SP140L: variants seen among roughly 807,000 people sequenced by gnomAD.
SP140L encodes nuclear body protein SP140-like protein.
A neutral mutation model predicts 84.3 loss-of-function variants in SP140L; 64 were observed. The ratio of observed to expected loss-of-function variants is 0.76; its 90% confidence interval spans 0.62 to 0.94. The LOEUF is 0.94. SP140L is among the 40% of genes least tolerant of loss of function. SP140L has a pLI of 0.00. For synonymous variants in SP140L, 242 were observed against 236.9 expected (o/e 1.02, Z -0.20); for missense variants, 628 against 692.5 (o/e 0.91, Z 1.05).
chr2:230,354,881 G>GAAAGAAAGAAAGAAAGA (rs565359776), intron 2 of SP140L, among the ~76,000 whole-genome samples: 1,948 of 125,580 alleles, frequency 0.016, 57 homozygotes, highest in East Asian at 0.086. Context: ...AAGAAAGAAA[G>GAAAGAAAGAAAGAAAGA]AAAGAAAGAA....
At chr2:230,377,455 A>G (rs2061279306) in intron 7 of SP140L, among the ~76,000 whole-genome samples, 2 of 152,194 alleles carry the variant, frequency 1.3e-5, no homozygotes, top group Non-Finnish European at 2.9e-5. Context: ...AGATACATCC[A>G]TGTTATTGTG....
rs2062426841 is a variant in SP140L at position 230,403,091 on chromosome 2, AGAGGAACTGAGATCACAGGGAAG to A, written c.*199_*221del. 3 of 529,488 alleles carry A rather than the reference AGAGGAACTGAGATCACAGGGAAG, an allele frequency of 5.7e-6. No individual in the cohort carries two copies. In the Admixed American group the frequency reaches 1.1e-4, roughly 20 times the overall value. The allele number at this position is 529,488 out of a possible 1,614,324, so 32.8% of individuals were successfully genotyped here. ...CCCCAAGAATCTCATCAACCAGGGA[AGAGGAACTGAGATCACAGGGAAG>A]GAGATTGGAGGTGATACCAGCACAG... On this transcript the variant is annotated 3_prime_UTR_variant, in exon 19 of 19. Transcript: ENST00000415673.
intron 5 of SP140L, among the ~76,000 whole-genome samples, chr2:230,367,564 A>AATTACAG (rs1293025689): frequency 6.6e-6 from 1 of 152,082 alleles, no homozygotes; most frequent in Non-Finnish European, 1.5e-5. Context: ...AAAGTGCTGA[A>AATTACAG]ATTACAGATG....
intron 2 of SP140L, among the ~76,000 whole-genome samples, chr2:230,353,883 A>G (rs1305692982): frequency 6.6e-6 from 1 of 152,072 alleles, no homozygotes; most frequent in Non-Finnish European, 1.5e-5. Context: ...ATTTCACTCA[A>G]TCAGTAGTTA....
intron 7 of SP140L, among the ~76,000 whole-genome samples, chr2:230,382,557 A>G (rs1160287353): frequency 6.6e-6 from 1 of 152,128 alleles, no homozygotes; most frequent in Non-Finnish European, 1.5e-5. Context: ...AATTAGATAC[A>G]AGTAGAGCAA....
chr2:230,382,432 C>T (rs2061441016), intron 7 of SP140L, among the ~76,000 whole-genome samples: 1 of 152,170 alleles, frequency 6.6e-6, no homozygotes, highest in South Asian at 2.1e-4. Flanking sequence ...CCTTAGATCT[C>T]TGGATTTTTG....
chr2:230,331,946 CT>C (rs977279480), intron 2 of SP140L, among the ~76,000 whole-genome samples: 1 of 151,966 alleles, frequency 6.6e-6, no homozygotes, highest in Non-Finnish European at 1.5e-5. Flanking sequence ...CTTTTTCTTA[CT>C]TTTTTTCCTT....
intron 2 of SP140L, among the ~76,000 whole-genome samples, chr2:230,330,549 AAG>A (rs2059698455): frequency 3.9e-5 from 6 of 152,226 alleles, no homozygotes. Flanking sequence ...GATCAATTTG[AAG>A]AGAGCCGACA....
At chr2:230,371,989 C>T (rs1313811428) in intron 7 of SP140L, 3 of 259,754 alleles carry the variant, frequency 1.2e-5, no homozygotes, top group Non-Finnish European at 2.2e-5. Flanking sequence ...ATGGAAGAGT[C>T]ATCAGAAACA....
At chr2:230,366,055 T>A (rs1241254251) in intron 5 of SP140L, among the ~76,000 whole-genome samples, 2 of 152,282 alleles carry the variant, frequency 1.3e-5, no homozygotes, top group African/African-American at 4.8e-5. Context: ...TCTTGGAGAA[T>A]GTTCCATGTA....
At chr2:230,358,902 T>C (rs995241744) in intron 3 of SP140L, 62 bp from the exon 4 acceptor site, 1 of 1,411,586 alleles carries the variant, frequency 7.1e-7, no homozygotes, top group Non-Finnish European at 9.5e-7. Context: ...AAATTTGTTT[T>C]TATGGCTCTT....
intron 11 of SP140L, among the ~76,000 whole-genome samples, chr2:230,390,357 CT>C (rs890408404): frequency 1.3e-5 from 2 of 152,172 alleles, no homozygotes; most frequent in African/African-American, 4.8e-5. Flanking sequence ...TTCTCTCTCC[CT>C]TCTGGAGTGC....
chr2:230,396,019 G>A (rs923741938), intron 13 of SP140L, among the ~76,000 whole-genome samples: 1 of 152,204 alleles, frequency 6.6e-6, no homozygotes, highest in African/African-American at 2.4e-5. Flanking sequence ...TGGCCTCCAG[G>A]ACTCTGGGCC....
chr2:230,327,427 T>C (rs2149663438), intron 1 of SP140L, 126 bp downstream of exon 1: 1 of 1,070,462 alleles, frequency 9.3e-7, no homozygotes, highest in East Asian at 2.6e-5. Context: ...GTAGGTAGTG[T>C]AATATAATGG....
intron 2 of SP140L, among the ~76,000 whole-genome samples, chr2:230,352,165 G>A (rs572477703): frequency 1.2e-3 from 183 of 151,858 alleles, no homozygotes; most frequent in African/African-American, 4.3e-3. Flanking sequence ...TTGCTATTTA[G>A]TCTGAGTATT....
chr2:230,337,462 G>A (rs1350566875), intron 2 of SP140L, among the ~76,000 whole-genome samples: 1 of 151,300 alleles, frequency 6.6e-6, no homozygotes. Context: ...CACTCTGATG[G>A]TAGTTTCTTT....
chr2:230,345,582 CTT>C (rs370794669), intron 2 of SP140L, among the ~76,000 whole-genome samples: 7 of 142,388 alleles, frequency 4.9e-5, no homozygotes, highest in African/African-American at 7.7e-5. Context: ...TTTTGTAGTT[CTT>C]TTTTTTTTTT....
chr2:230,402,014 G>A (rs1405685301), intron 18 of SP140L, among the ~76,000 whole-genome samples: 1 of 152,194 alleles, frequency 6.6e-6, no homozygotes. Context: ...CAGAACCCCA[G>A]GTCTCTGAGA....
intron 5 of SP140L, 91 bp downstream of exon 5, chr2:230,361,788 T>A: frequency 1.0e-6 from 1 of 953,720 alleles, no homozygotes; most frequent in South Asian, 1.5e-5. Context: ...GGGGAAATTG[T>A]GAAACAGGGA....
Sources: allele counts gnomAD v4.1 joint callset (sites outside exome capture counted in the v4.1 genomes callset), GRCh38; gene constraint gnomAD v4.1.1; transcripts MANE v1.5; gene names NCBI Gene and HGNC (gene_info 2026-07-23, HGNC 2026-07-21).